The following PDZD4 variants were observed in gnomAD, a reference collection of about 807,000 sequenced individuals.
The protein encoded by PDZD4 is PDZ domain-containing protein 4.
PDZD4 carries 9 observed loss-of-function variants against 38.5 expected under a neutral mutation model. The observed-to-expected ratio is 0.23, with a 90% CI of 0.14 to 0.41. PDZD4 has a LOEUF of 0.41. Ranked by LOEUF, PDZD4 falls within the 10% of genes least tolerant of loss-of-function variation. The pLI, the probability that PDZD4 is intolerant of heterozygous loss-of-function variation, is 1.00. For missense variants in PDZD4, 612 were observed against 722.0 expected, an observed-to-expected ratio of 0.85 and a Z score of 1.75; for synonymous variants, 349 against 315.7, an observed-to-expected ratio of 1.11 and a Z score of -1.12.
At position 153,803,182 on chromosome X, in the gene PDZD4, G is replaced by T; in HGVS notation, c.*171C>A. On this transcript the variant is annotated 3_prime_UTR_variant, in exon 8 of 8. Coordinates refer to ENST00000393758, the MANE Select transcript of PDZD4 (RefSeq NM_001303512.2). ...AGAAAAGCGTCCCTTCTCCTCAGGG[G>T]CTTCTCTCTGCTAACAAAGCCCTGT... The T allele has an allele frequency of 3.0e-6, 1 of 329,418 alleles. No homozygotes were observed. Among genetic ancestry groups the T allele is most frequent in the Non-Finnish European group, 5.1e-6 (1 of 197,986 alleles). The allele number at this position is 329,418 out of a possible 1,213,427, so 27.1% of individuals were successfully genotyped here.
At chrX:153,830,149 G>T (rs1273377128) in intron 1 of PDZD4, 90 bp downstream of exon 1, 1 of 884,452 alleles carries the variant, frequency 1.1e-6, no homozygotes. Context: ...GAGCCCTCCC[G>T]CTCTCCCACG....
At chrX:153,810,048 G>A (rs1557078449) in intron 1 of PDZD4, among the ~76,000 whole-genome samples, 1 of 112,587 alleles carries the variant, frequency 8.9e-6, no homozygotes, top group African/African-American at 3.2e-5. Flanking sequence ...AAGTAGAGAA[G>A]GGACGAATGA....
intron 1 of PDZD4, among the ~76,000 whole-genome samples, chrX:153,824,224 C>A (rs1557081985): frequency 9.0e-6 from 1 of 111,281 alleles, no homozygotes; most frequent in Middle Eastern, 4.2e-3. Context: ...TCAGGAACCC[C>A]GAGATGAGAG....
chrX:153,805,914 G>A (rs1175521011), intron 5 of PDZD4, among the ~76,000 whole-genome samples, 157 bp downstream of exon 5: 1 of 111,987 alleles, frequency 8.9e-6, no homozygotes, highest in African/African-American at 3.2e-5. Context: ...GTGGGCAGGA[G>A]AGAGATGAGA....
Position 153,804,574 on chromosome X carries a change from G to A in PDZD4, c.1107C>T (p.Ile369=). The change falls in exon 8 of 8, where the codon ATC becomes ATT. Residue 369 remains isoleucine (I), a synonymous_variant. Transcript: ENST00000393758. ...GGTTGCCGTTCTCCAGGTGGCACTT[G>A]ATCTCCAGGAGCTCACGGTAGCGCT... The part of the protein sequence containing the change: ...EYERYRELLE[I]KCHLENGNQL... The A allele has an allele frequency of 9.1e-6, 11 of 1,209,753 alleles. No homozygotes were observed. Among genetic ancestry groups the A allele is most frequent in the Non-Finnish European group, 1.2e-5 (11 of 895,402 alleles).
chrX:153,813,023 C>G (rs2064326170), intron 1 of PDZD4, among the ~76,000 whole-genome samples: 1 of 110,614 alleles, frequency 9.0e-6, no homozygotes, highest in Admixed American at 9.7e-5. Context: ...CCCACCAAGA[C>G]AGAAGACCTA....
At chrX:153,826,512 G>A (rs1271942480) in intron 1 of PDZD4, among the ~76,000 whole-genome samples, 2 of 109,820 alleles carry the variant, frequency 1.8e-5, no homozygotes, top group African/African-American at 6.6e-5. Flanking sequence ...GGGTTCATGC[G>A]ATTCTCTTGC....
At position 153,830,427 on chromosome X, in the gene PDZD4, C is replaced by T; in HGVS notation, c.-129G>A. The T allele has an allele frequency of 3.0e-6, 1 of 329,809 alleles. No individual in the cohort carries two copies. The highest frequency in any genetic ancestry group is 5.6e-5 in the South Asian group (1 of 17,858). 27.2% of individuals were successfully genotyped at this position (329,809 alleles called of 1,213,427 possible). ...CTGGCGCGGGGGGCGGGCCGCCTAG[C>T]GGGGGAGGGGGGCACGCCCCCGAGG... is the stretch of plus-strand genomic sequence containing the variant. On this transcript the variant is annotated 5_prime_UTR_variant, in exon 1 of 8. Transcript: ENST00000393758.
intron 5 of PDZD4, 98 bp from the exon 6 acceptor site, chrX:153,805,704 G>C: frequency 3.0e-6 from 2 of 656,063 alleles, no homozygotes; most frequent in Non-Finnish European, 2.5e-6. Context: ...GGCTCGGCTG[G>C]GCTAGGCTGG....
chrX:153,803,259 G>T lies in PDZD4; in HGVS notation c.*94C>A. On this transcript the variant is annotated 3_prime_UTR_variant, in exon 8 of 8. Transcript: ENST00000393758. The stretch of plus-strand genomic sequence containing the variant: ...GCGTGCGCACAGCGAGCACGCGCGC[G>T]CGCACACACACACACACACAATCTC... 1.5e-6 allele frequency: 1 copy of T among 674,674 alleles called. No homozygotes were observed. Among genetic ancestry groups the T allele is most frequent in the Non-Finnish European group, 2.0e-6 (1 of 493,089 alleles). 55.6% of individuals were successfully genotyped at this position (674,674 alleles called of 1,213,427 possible).
At chrX:153,807,754 AGGAC>A in intron 2 of PDZD4, 1 of 756,604 alleles carries the variant, frequency 1.3e-6, no homozygotes, top group Non-Finnish European at 1.7e-6. Flanking sequence ...CAGGCCCTGG[AGGAC>A]TTCTGCAGAG....
At chrX:153,826,204 G>A (rs1168266797) in intron 1 of PDZD4, among the ~76,000 whole-genome samples, 5 of 91,424 alleles carry the variant, frequency 5.5e-5, no homozygotes, top group Admixed American at 1.2e-4. Context: ...GTGACAAAGT[G>A]AGACTGTGTC....
intron 1 of PDZD4, among the ~76,000 whole-genome samples, chrX:153,811,468 A>G (rs2064309511): frequency 8.9e-6 from 1 of 111,947 alleles, no homozygotes; most frequent in Non-Finnish European, 1.9e-5. Context: ...TCTGTTTTCT[A>G]TGTGTGCCAT....
At chrX:153,816,777 G>A (rs1337499785) in intron 1 of PDZD4, among the ~76,000 whole-genome samples, 3 of 111,432 alleles carry the variant, frequency 2.7e-5, no homozygotes, top group Admixed American at 1.9e-4. Flanking sequence ...AGCGAAGGGA[G>A]CTCCCAGGAG....
Position 153,805,201 on chromosome X carries a change from T to C in PDZD4, c.676A>G (p.Lys226Glu), listed in dbSNP as rs782263672. 8.3e-7 allele frequency: 1 copy of C among 1,207,133 alleles called. No individual in the cohort carries two copies. Among genetic ancestry groups the C allele is most frequent in the Non-Finnish European group, 1.1e-6 (1 of 892,819 alleles). Residue 226 changes from lysine to glutamate, a missense_variant, in exon 7 of 8, where the codon AAA becomes GAA. Physicochemically the swap from Lys to Glu is moderately conservative, Grantham distance 56 (BLOSUM62 1). Around this residue, in one of 3 missense-constraint regions of PDZD4, gnomAD observed 225 missense variants for 311.0 expected, o/e 0.72. Transcript: ENST00000393758. ...LVARPESQLA[K>E]RWKDSDRDDF... is the part of the protein sequence containing the mutation. Reference sequence around the variant, plus strand: ...TCCCGGTCGCTGTCCTTCCACCTTTTCGCCAGCTGTGGAGACAGGCCCTGG... The same window carrying C: ...TCCCGGTCGCTGTCCTTCCACCTTTCCGCCAGCTGTGGAGACAGGCCCTGG...
intron 1 of PDZD4, among the ~76,000 whole-genome samples, chrX:153,811,910 A>G (rs782811920): frequency 2.7e-5 from 3 of 112,427 alleles, no homozygotes; most frequent in Middle Eastern, 4.6e-3. Context: ...AGCAGTGGCT[A>G]GAGCCAACTG....
intron 1 of PDZD4, among the ~76,000 whole-genome samples, chrX:153,812,644 A>AC (rs2148465733): frequency 9.1e-6 from 1 of 110,467 alleles, no homozygotes; most frequent in Admixed American, 9.6e-5. Flanking sequence ...GTCATGCTGG[A>AC]CCCCCAAGGA....
At position 153,803,056 on chromosome X, in the gene PDZD4, A is replaced by C; in HGVS notation, c.*297T>G. 4.6e-6 allele frequency: 1 copy of C among 218,133 alleles called. No homozygotes were observed. The allele number at this position is 218,133 out of a possible 1,213,427, so 18.0% of individuals were successfully genotyped here. A position where few individuals can be genotyped will look rare whatever the true frequency, so the allele number is the denominator to read the frequency against. ...TGCACGTGCAAGCACACGCAAGAGC[A>C]TGGGGGATGGGGAATGCACACGCAC... On this transcript the variant is annotated 3_prime_UTR_variant, in exon 8 of 8. Coordinates refer to ENST00000393758, the MANE Select transcript of PDZD4 (RefSeq NM_001303512.2).
intron 5 of PDZD4, among the ~76,000 whole-genome samples, 157 bp from the exon 6 acceptor site, chrX:153,805,763 G>A (rs1340955056): frequency 1.5e-4 from 17 of 112,440 alleles, no homozygotes; most frequent in Non-Finnish European, 2.8e-4. Flanking sequence ...CCAGGGAGAG[G>A]GCGGCCTGAC....
Sources: gnomAD v4.1 joint callset for allele counts (sites outside exome capture counted in the v4.1 genomes callset) on GRCh38, gnomAD v4.1.1 for gene constraint, gnomAD v4.1.1 regional missense constraint, MANE v1.5 for transcripts, NCBI Gene and HGNC (gene_info 2026-07-23, HGNC 2026-07-21) for gene names.